Variants in STOML2 observed in about 807,000 individuals in gnomAD.
STOML2 encodes the protein stomatin-like protein 2, mitochondrial.
STOML2 carries 22 observed loss-of-function variants against 45.7 expected under a neutral mutation model. That is an observed-to-expected ratio of 0.48 (90% confidence interval 0.34 to 0.69). The LOEUF is 0.69. Ranked by LOEUF, STOML2 falls within the 30% of genes least tolerant of loss-of-function variation. The pLI is 0.01. For synonymous variants in STOML2, 181 were observed against 182.7 expected (o/e 0.99, Z 0.08); for missense variants, 359 against 466.9 (o/e 0.77, Z 2.13).
Position 35,102,543 on chromosome 9 carries a change from C to T in STOML2, c.183+143G>A, listed in dbSNP as rs1829843044. 2 of 1,371,070 alleles carry T rather than the reference C, an allele frequency of 1.5e-6. No individual in the cohort carries two copies. The highest frequency in any genetic ancestry group is 2.0e-6 in the Non-Finnish European group (2 of 1,010,238). The allele number at this position is 1,371,070 out of a possible 1,614,324, so 84.9% of individuals were successfully genotyped here. A position where few individuals can be genotyped will look rare whatever the true frequency, so the allele number is the denominator to read the frequency against. Reference sequence around the variant, plus strand: ...AAGGTGGTAACATGGGGATGATGGTCAGCAGCCTGGGCCCTGTCAGGTCTG... The same window carrying T: ...AAGGTGGTAACATGGGGATGATGGTTAGCAGCCTGGGCCCTGTCAGGTCTG... On this transcript the variant is annotated intron_variant, in intron 2 of 9. Transcript: ENST00000356493. This position sits in a 1 kb window ranked among gnomAD's most constrained non-coding sequence, Gnocchi z 4.8.
Position 35,100,716 on chromosome 9 carries a change from G to C in STOML2, c.815C>G (p.Ala272Gly), listed in dbSNP as rs901606189. Residue 272 changes from alanine to glycine, a missense_variant, in exon 9 of 10, where the codon GCA becomes GGA. Transcript: ENST00000356493. ...CTCGGCCACAGTCAGTGAAGCTGCT[G>C]CATCTCCATTCTGTGATCACAGGGG... Reference protein sequence around the residue: ...AAALTQHNGDAAASLTVAEQY... With the variant: ...AAALTQHNGDGAASLTVAEQY... 1.2e-6 allele frequency: 2 copies of C among 1,614,108 alleles called. No homozygotes were observed. The highest frequency in any genetic ancestry group is 1.1e-5 in the South Asian group (1 of 91,068).
rs1829840939 is a variant in STOML2 at position 35,102,482 on chromosome 9, G to T, written c.183+204C>A. The T allele has an allele frequency of 1.1e-5, 9 of 847,532 alleles. No individual in the cohort carries two copies. In the South Asian group the frequency reaches 1.4e-4, roughly 13 times the overall value. 52.5% of individuals were successfully genotyped at this position (847,532 alleles called of 1,614,324 possible). A position where few individuals can be genotyped will look rare whatever the true frequency, so the allele number is the denominator to read the frequency against. On this transcript the variant is annotated intron_variant, in intron 2 of 9. Transcript: ENST00000356493. The surrounding 1 kb of genome is among the most constrained non-coding windows in gnomAD (Gnocchi z 4.8). ...GGTAGGGCTGAGAGTGGGCAGGGGAGATTCCCAAGAATGGGGCCTGTGAGA... is the reference window on the plus strand; with the variant it reads ...GGTAGGGCTGAGAGTGGGCAGGGGATATTCCCAAGAATGGGGCCTGTGAGA...
In STOML2 at chr9:35,101,850, A is replaced by T. The variant is rs1386793041; in HGVS notation, c.343-39T>A. The T allele has an allele frequency of 6.2e-7, 1 of 1,614,166 alleles. No homozygotes were observed. Among genetic ancestry groups the T allele is most frequent in the East Asian group, 2.2e-5 (1 of 44,878 alleles). On this transcript the variant is annotated intron_variant, in intron 4 of 9. Coordinates refer to ENST00000356493, the MANE Select transcript of STOML2 (RefSeq NM_013442.3). The surrounding 1 kb of genome is among the most constrained non-coding windows in gnomAD (Gnocchi z 4.3). ...GGATAGTGTAAGAAGCTTGGGCACAAGATTTTAGTGAAGAGGGCAACTCAA... is the reference window on the plus strand; with the variant it reads ...GGATAGTGTAAGAAGCTTGGGCACATGATTTTAGTGAAGAGGGCAACTCAA...
At position 35,102,120 on chromosome 9, in the gene STOML2, C is replaced by A. The variant is rs979840018; in HGVS notation, c.258G>T (p.Val86=). Residue 86 remains valine (V), a synonymous_variant, in exon 3 of 10, where the codon GTG becomes GTT. Coordinates refer to ENST00000356493, the MANE Select transcript of STOML2 (RefSeq NM_013442.3). The surrounding 1 kb of genome is among the most constrained non-coding windows in gnomAD (Gnocchi z 4.8). ...CGAGAGTCACAGCCGACTGCTCAGG[C>A]ACGTTGATGACAATTTCCTTGAGAC... ...VQSLKEIVIN[V]PEQSAVTLDN... is the part of the protein sequence containing the mutation. 3.1e-6 allele frequency: 5 copies of A among 1,613,884 alleles called. No homozygotes were observed. In the African/African-American group the frequency reaches 6.7e-5, roughly 22 times the overall value.
At position 35,099,809 on chromosome 9, in the gene STOML2, T is replaced by A. The variant is rs1483680291; in HGVS notation, c.*226A>T. On this transcript the variant is annotated 3_prime_UTR_variant, in exon 10 of 10. Coordinates refer to ENST00000356493, the MANE Select transcript of STOML2 (RefSeq NM_013442.3). ...TTTACAAGAAGTTCACTCTTATTCATGGAGGCATCATGCTGACAGGACTGG... is the reference window on the plus strand; with the variant it reads ...TTTACAAGAAGTTCACTCTTATTCAAGGAGGCATCATGCTGACAGGACTGG... The A allele has an allele frequency of 1.9e-6, 1 of 515,124 alleles. No homozygotes were observed. 31.9% of individuals were successfully genotyped at this position (515,124 alleles called of 1,614,324 possible).
In STOML2 at chr9:35,100,923, GCC is replaced by G; in HGVS notation, c.804+7_804+8del. ...TTCCTGTCCCCATTCCCACCCAGGG[GCC>G]TCTCACATGTTGTGTCAGAGCTGCA... On this transcript the variant is annotated splice_region_variant and intron_variant, in intron 8 of 9. Coordinates refer to ENST00000356493, the MANE Select transcript of STOML2 (RefSeq NM_013442.3). 1 of 1,614,182 alleles carries G rather than the reference GCC, an allele frequency of 6.2e-7. No homozygotes were observed.
chr9:35,100,073 T>C lies in STOML2; in HGVS notation c.1033A>G (p.Ser345Gly). 1 of 1,614,204 alleles carries C rather than the reference T, an allele frequency of 6.2e-7. No homozygotes were observed. The highest frequency in any genetic ancestry group is 1.3e-5 in the African/African-American group (1 of 75,038). Residue 345 changes from serine to glycine, a missense_variant, in exon 10 of 10, where the codon AGT (serine) becomes GGT (glycine). By Grantham distance (56) the Ser-to-Gly change is moderately conservative (BLOSUM62 0). This residue lies in a region of STOML2 where 285 missense variants were observed against 422.0 expected (regional missense o/e 0.68). Transcript: ENST00000356493. Reference protein sequence around the residue: ...SSRDVQGTDASLDEELDRVKM... With the variant: ...SSRDVQGTDAGLDEELDRVKM... ...ACTCGATCAAGTTCCTCATCAAGAC[T>C]TGCATCTGTACCCTGGACATCTCTG...
Position 35,101,395 on chromosome 9 carries a change from G to A in STOML2, c.579+31C>T, listed in dbSNP as rs373647276. Reference sequence around the variant, plus strand: ...TCCTCCTGGTACTGGAGCACCCTGAGGCCCTTTTCCCACCCCTCCTTGGCC... The same window carrying A: ...TCCTCCTGGTACTGGAGCACCCTGAAGCCCTTTTCCCACCCCTCCTTGGCC... On this transcript the variant is annotated intron_variant, in intron 6 of 9. Transcript: ENST00000356493. The surrounding 1 kb of genome is among the most constrained non-coding windows in gnomAD (Gnocchi z 4.3). The A allele has an allele frequency of 2.4e-4, 390 of 1,612,870 alleles. 1 individual carries two copies. Among genetic ancestry groups the A allele is most frequent in the Middle Eastern group, 6.6e-4 (4 of 6,078 alleles).
At position 35,101,049 on chromosome 9, in the gene STOML2, G is replaced by T; in HGVS notation, c.725-38C>A. On this transcript the variant is annotated intron_variant, in intron 7 of 9. Transcript: ENST00000356493. This position sits in a 1 kb window ranked among gnomAD's most constrained non-coding sequence, Gnocchi z 4.3. ...GGACAGAGCTTGCTTGACCCATGAA[G>T]TCAAAGTACCCCAAAGATCCTGCCC... The T allele has an allele frequency of 6.2e-7, 1 of 1,612,336 alleles. No individual in the cohort carries two copies. The highest frequency in any genetic ancestry group is 1.3e-5 in the African/African-American group (1 of 74,990).
chr9:35,100,526 G>T, intron 9 of STOML2, 72 bp downstream of exon 9: 1 of 1,599,080 alleles, frequency 6.3e-7, no homozygotes, highest in South Asian at 1.1e-5. Context: ...TGTAAGTGTT[G>T]ATGACGGTGG....
In STOML2 at chr9:35,102,089, C is replaced by G; in HGVS notation, c.283+6G>C. On this transcript the variant is annotated splice_donor_region_variant and intron_variant, in intron 3 of 9. Coordinates refer to ENST00000356493, the MANE Select transcript of STOML2 (RefSeq NM_013442.3). This position sits in a 1 kb window ranked among gnomAD's most constrained non-coding sequence, Gnocchi z 4.8. ...CAGAGCACCCATGTCACCCTGAACC[C>G]CTCACCGAGAGTCACAGCCGACTGC... The G allele has an allele frequency of 6.2e-7, 1 of 1,613,940 alleles. No homozygotes were observed. Among genetic ancestry groups the G allele is most frequent in the Non-Finnish European group, 8.5e-7 (1 of 1,179,948 alleles).
At position 35,101,042 on chromosome 9, in the gene STOML2, C is replaced by G; in HGVS notation, c.725-31G>C. Reference sequence around the variant, plus strand: ...AGAGAAGGGACAGAGCTTGCTTGACCCATGAAGTCAAAGTACCCCAAAGAT... The same window carrying G: ...AGAGAAGGGACAGAGCTTGCTTGACGCATGAAGTCAAAGTACCCCAAAGAT... On this transcript the variant is annotated intron_variant, in intron 7 of 9. Transcript: ENST00000356493. The surrounding 1 kb of genome is among the most constrained non-coding windows in gnomAD (Gnocchi z 4.3). 6.2e-7 allele frequency: 1 copy of G among 1,612,396 alleles called. No individual in the cohort carries two copies. Among genetic ancestry groups the G allele is most frequent in the Non-Finnish European group, 8.5e-7 (1 of 1,178,736 alleles).
rs368708176 is a variant in STOML2 at position 35,100,139 on chromosome 9, G to A, written c.967C>T (p.Pro323Ser). ...MGVYGALTKA[P>S]VPGTPDSLSS... is the part of the protein sequence containing the mutation. ...AGTGAGTCTGGAGTCCCTGGCACTGGGGCTTTGGTGAGGGCTCCATATACA... is the reference window on the plus strand; with the variant it reads ...AGTGAGTCTGGAGTCCCTGGCACTGAGGCTTTGGTGAGGGCTCCATATACA... Residue 323 changes from proline (P) to serine (S), a missense_variant, in exon 10 of 10, where the codon CCA (proline) becomes TCA (serine). By Grantham distance (74) the Pro-to-Ser change is moderately conservative. Transcript: ENST00000356493. The A allele has an allele frequency of 2.2e-5, 35 of 1,614,030 alleles. No individual in the cohort carries two copies. In the East Asian group the frequency reaches 7.4e-4, roughly 34 times the overall value.
Position 35,100,736 on chromosome 9 carries a change from C to T in STOML2, c.805-10G>A. On this transcript the variant is annotated splice_polypyrimidine_tract_variant and intron_variant, in intron 8 of 9. Transcript: ENST00000356493. ...CTGCTGCATCTCCATTCTGTGATCACAGGGGGATAAAAATCAGAGATCACC... is the reference window on the plus strand; with the variant it reads ...CTGCTGCATCTCCATTCTGTGATCATAGGGGGATAAAAATCAGAGATCACC... 6.2e-7 allele frequency: 1 copy of T among 1,613,834 alleles called. No individual in the cohort carries two copies. The highest frequency in any genetic ancestry group is 1.3e-5 in the African/African-American group (1 of 74,908).
At position 35,101,902 on chromosome 9, in the gene STOML2, A is replaced by G. The variant is rs866231774; in HGVS notation, c.342+2T>C. On this transcript the variant is annotated splice_donor_variant, in intron 4 of 9. Transcript: ENST00000356493. LOFTEE classifies it high-confidence loss of function. This position sits in a 1 kb window ranked among gnomAD's most constrained non-coding sequence, Gnocchi z 4.3. ...AGGCTGGATAAAGTAGGGGACAGGT[A>G]CCTTGTAAGGGTCCATGATGCGCAG... The G allele has an allele frequency of 4.3e-6, 7 of 1,614,174 alleles. No individual in the cohort carries two copies. The African/African-American group carries it at 8.0e-5, about 18-fold the overall frequency.
At position 35,102,430 on chromosome 9, in the gene STOML2, G is replaced by A. The variant is rs1388211474; in HGVS notation, c.184-236C>T. On this transcript the variant is annotated intron_variant, in intron 2 of 9. Coordinates refer to ENST00000356493, the MANE Select transcript of STOML2 (RefSeq NM_013442.3). This position sits in a 1 kb window ranked among gnomAD's most constrained non-coding sequence, Gnocchi z 4.8. Reference sequence around the variant, plus strand: ...AGAGTCATGAGAATCGGAGCCAGCAGAATAGCCATCTCTATGCAGACTGAG... The same window carrying A: ...AGAGTCATGAGAATCGGAGCCAGCAAAATAGCCATCTCTATGCAGACTGAG... The A allele has an allele frequency of 4.5e-6, 3 of 662,368 alleles. No individual in the cohort carries two copies. Among genetic ancestry groups the A allele is most frequent in the East Asian group, 5.4e-5 (2 of 36,778 alleles). 41.0% of individuals were successfully genotyped at this position (662,368 alleles called of 1,614,324 possible).
At position 35,102,002 on chromosome 9, in the gene STOML2, T is replaced by G; in HGVS notation, c.284-40A>C. Reference sequence around the variant, plus strand: ...GAGAAAACGGGGAAAGTCAGGCCTCTAGGTCCCAACCAGTTCTTTCTACTA... The same window carrying G: ...GAGAAAACGGGGAAAGTCAGGCCTCGAGGTCCCAACCAGTTCTTTCTACTA... On this transcript the variant is annotated intron_variant, in intron 3 of 9. Coordinates refer to ENST00000356493, the MANE Select transcript of STOML2 (RefSeq NM_013442.3). This position sits in a 1 kb window ranked among gnomAD's most constrained non-coding sequence, Gnocchi z 4.8. 1 of 1,613,820 alleles carries G rather than the reference T, an allele frequency of 6.2e-7. No individual in the cohort carries two copies. The highest frequency in any genetic ancestry group is 8.5e-7 in the Non-Finnish European group (1 of 1,179,740).
At position 35,101,608 on chromosome 9, in the gene STOML2, G is replaced by A; in HGVS notation, c.445-48C>T. On this transcript the variant is annotated intron_variant, in intron 5 of 9. Transcript: ENST00000356493. This position sits in a 1 kb window ranked among gnomAD's most constrained non-coding sequence, Gnocchi z 4.3. Reference sequence around the variant, plus strand: ...CACAGCCTCAACCTACCTATCAAGGGCCTACACTGAGAAGGGCCTGGGACT... The same window carrying A: ...CACAGCCTCAACCTACCTATCAAGGACCTACACTGAGAAGGGCCTGGGACT... The A allele has an allele frequency of 6.2e-7, 1 of 1,613,816 alleles. No homozygotes were observed. The highest frequency in any genetic ancestry group is 8.5e-7 in the Non-Finnish European group (1 of 1,179,982).
Position 35,101,592 on chromosome 9 carries a change from AACCT to A in STOML2, c.445-36_445-33del. 1 of 1,613,980 alleles carries A rather than the reference AACCT, an allele frequency of 6.2e-7. No individual in the cohort carries two copies. The highest frequency in any genetic ancestry group is 2.2e-5 in the East Asian group (1 of 44,868). Reference sequence around the variant, plus strand: ...AAAGAGGTGTAAGCCCCACAGCCTCAACCTACCTATCAAGGGCCTACACTGAGAA... The same window carrying A: ...AAAGAGGTGTAAGCCCCACAGCCTCAACCTATCAAGGGCCTACACTGAGAA... On this transcript the variant is annotated intron_variant, in intron 5 of 9. Coordinates refer to ENST00000356493, the MANE Select transcript of STOML2 (RefSeq NM_013442.3). This position sits in a 1 kb window ranked among gnomAD's most constrained non-coding sequence, Gnocchi z 4.3.
Sources: allele counts gnomAD v4.1 joint callset, GRCh38; gene constraint gnomAD v4.1.1; regional missense constraint gnomAD v4.1.1; non-coding constraint Gnocchi (gnomAD v3.1); transcripts MANE v1.5; gene names NCBI Gene and HGNC (gene_info 2026-07-23, HGNC 2026-07-21).